SCARB1: variants seen among roughly 807,000 people sequenced by gnomAD.
The protein encoded by SCARB1 is scavenger receptor class B member 1.
A neutral mutation model predicts 57.2 loss-of-function variants in SCARB1; 30 were observed. The observed-to-expected ratio is 0.52, with a 90% CI of 0.39 to 0.71. SCARB1 has a LOEUF of 0.71. Ranked by LOEUF, SCARB1 falls within the 30% of genes least tolerant of loss-of-function variation. The pLI is 0.00. For synonymous variants in SCARB1, 249 were observed against 268.3 expected (o/e 0.93, Z 0.70); for missense variants, 543 against 671.2 (o/e 0.81, Z 2.11).
chr12:124,807,847 A>G lies in SCARB1; in HGVS notation c.923T>C (p.Phe308Ser). 1 of 1,614,154 alleles carries G rather than the reference A, an allele frequency of 6.2e-7. No individual in the cohort carries two copies. The highest frequency in any genetic ancestry group is 1.1e-5 in the South Asian group (1 of 91,086). ...TYRFVAPKTL[F>S]ANGSIYPPNE... ...GGGTGGGTAGATGGACCCGTTGGCA[A>G]ACAGGGTTTTGGGAGCCACGAAGCG... The change falls in exon 7 of 13, where the codon TTT becomes TCT. Residue 308 changes from phenylalanine to serine, a missense_variant. Physicochemically the swap from Phe to Ser is radical, Grantham distance 155. Transcript: ENST00000261693. The surrounding 1 kb of genome is among the most constrained non-coding windows in gnomAD (Gnocchi z 5.3).
chr12:124,781,094 C>T (rs1465198302), intron 12 of SCARB1, among the ~76,000 whole-genome samples: 1 of 152,194 alleles, frequency 6.6e-6, no homozygotes, highest in African/African-American at 2.4e-5. Context: ...CACTCCACCC[C>T]AACATGGTCA....
intron 5 of SCARB1, 125 bp downstream of exon 5, chr12:124,811,745 T>C: frequency 1.4e-6 from 1 of 717,230 alleles, no homozygotes; most frequent in South Asian, 1.5e-5. Flanking sequence ...GTGTTCATCC[T>C]CCCAGCACCC....
intron 7 of SCARB1, among the ~76,000 whole-genome samples, chr12:124,801,198 CAAAAGA>C (rs1472934886): frequency 6.7e-6 from 1 of 148,942 alleles, no homozygotes; most frequent in Non-Finnish European, 1.5e-5. Context: ...GATCCTGTCT[CAAAAGA>C]AAAACAATTT....
chr12:124,787,528 TACA>T, intron 9 of SCARB1, 71 bp from the exon 10 acceptor site: 2 of 1,338,832 alleles, frequency 1.5e-6, no homozygotes, highest in East Asian at 2.3e-5. Context: ...TCTGCTTGAA[TACA>T]ACATCTAAAC....
At chr12:124,826,322 C>A (rs1266759190) in intron 1 of SCARB1, among the ~76,000 whole-genome samples, 3 of 140,184 alleles carry the variant, frequency 2.1e-5, no homozygotes, top group Non-Finnish European at 4.5e-5. Flanking sequence ...CAGAGCGAGA[C>A]CCTGTCTCAA....
chr12:124,855,925 C>A (rs577460860), intron 1 of SCARB1, among the ~76,000 whole-genome samples: 1 of 152,358 alleles, frequency 6.6e-6, no homozygotes, highest in South Asian at 2.1e-4. Flanking sequence ...AGGAAAAACA[C>A]CTTCATGGAG....
chr12:124,784,452 A>G (rs1949438578), intron 11 of SCARB1: 1 of 152,256 alleles, frequency 6.6e-6, no homozygotes, highest in South Asian at 2.1e-4. Flanking sequence ...CATTGTGGAA[A>G]CCTTTTCCCC....
rs936362854 is a variant in SCARB1 at position 124,796,926 on chromosome 12, C to T, written c.1129-1658G>A. Among the ~76,000 whole-genome samples the T allele has an allele frequency of 1.3e-5, 2 of 152,188 alleles. No homozygotes were observed. The highest frequency in any genetic ancestry group is 4.8e-5 in the African/African-American group (2 of 41,448). Reference sequence around the variant, plus strand: ...ACCCAGATTTCAGGAGGGTCCCCACCATCCCCTAACTGATGAGAGTAGTTC... The same window carrying T: ...ACCCAGATTTCAGGAGGGTCCCCACTATCCCCTAACTGATGAGAGTAGTTC... On this transcript the variant is annotated intron_variant, in intron 8 of 12. Coordinates refer to ENST00000261693, the MANE Select transcript of SCARB1 (RefSeq NM_005505.5). This position sits in a 1 kb window ranked among gnomAD's most constrained non-coding sequence, Gnocchi z 4.0.
chr12:124,824,372 G>T (rs1419951970), intron 1 of SCARB1, among the ~76,000 whole-genome samples: 5 of 152,162 alleles, frequency 3.3e-5, no homozygotes, highest in African/African-American at 1.2e-4. Context: ...TGGTTGCCAG[G>T]GGCTGGGGCA....
rs1355710178 is a variant in SCARB1, at chr12:124,817,174, C to A, written c.284+376G>T. Among the ~76,000 whole-genome samples, 1 of 151,580 alleles carries A rather than the reference C, an allele frequency of 6.6e-6. No homozygotes were observed. The highest frequency in any genetic ancestry group is 1.5e-5 in the Non-Finnish European group (1 of 67,888). On this transcript the variant is annotated intron_variant, in intron 2 of 12. Coordinates refer to ENST00000261693, the MANE Select transcript of SCARB1 (RefSeq NM_005505.5). This position sits in a 1 kb window ranked among gnomAD's most constrained non-coding sequence, Gnocchi z 4.8. ...TGTGTGTATGTATGTGTGTAACTCACACATGCACCCTCCACCCAGACGCAC... is the reference window on the plus strand; with the variant it reads ...TGTGTGTATGTATGTGTGTAACTCAAACATGCACCCTCCACCCAGACGCAC...
intron 1 of SCARB1, among the ~76,000 whole-genome samples, chr12:124,835,144 A>C (rs1003695183): frequency 6.6e-6 from 1 of 152,178 alleles, no homozygotes; most frequent in African/African-American, 2.4e-5. Flanking sequence ...TGAGCCCCAG[A>C]ACAATGTGGA....
chr12:124,796,964 T>C lies in SCARB1; in HGVS notation c.1129-1696A>G, dbSNP rs556247571. Among the ~76,000 whole-genome samples the C allele has an allele frequency of 2.6e-5, 4 of 152,308 alleles. No homozygotes were observed. The South Asian group carries it at 8.3e-4, about 32-fold the overall frequency. ...ATGAGAGTAGTTCACTGGGCCGAAA[T>C]TATTTGTACAAACAATATGGTTCTT... is the stretch of plus-strand genomic sequence containing the variant. On this transcript the variant is annotated intron_variant, in intron 8 of 12. Transcript: ENST00000261693. The surrounding 1 kb of genome is among the most constrained non-coding windows in gnomAD (Gnocchi z 4.0).
At chr12:124,848,810 G>A (rs770530977) in intron 1 of SCARB1, among the ~76,000 whole-genome samples, 19 of 152,332 alleles carry the variant, frequency 1.2e-4, no homozygotes, top group Admixed American at 5.9e-4. Flanking sequence ...GCTGACTGAG[G>A]ACGACATGGA....
Position 124,796,774 on chromosome 12 carries a change from C to G in SCARB1, c.1129-1506G>C, listed in dbSNP as rs942128914. The stretch of plus-strand genomic sequence containing the variant: ...GAGCTCATTAAAGGCCTCACTTACG[C>G]CCACGACTGGGGAGTGCTTGCCCTC... On this transcript the variant is annotated intron_variant, in intron 8 of 12. Transcript: ENST00000261693. This position sits in a 1 kb window ranked among gnomAD's most constrained non-coding sequence, Gnocchi z 4.0. Among the ~76,000 whole-genome samples, 1 of 152,208 alleles carries G rather than the reference C, an allele frequency of 6.6e-6. No individual in the cohort carries two copies. Among genetic ancestry groups the G allele is most frequent in the Non-Finnish European group, 1.5e-5 (1 of 68,052 alleles).
intron 1 of SCARB1, among the ~76,000 whole-genome samples, chr12:124,843,519 T>A (rs1272894481): frequency 1.3e-5 from 2 of 152,128 alleles, no homozygotes; most frequent in Non-Finnish European, 2.9e-5. Flanking sequence ...GGACCTGGAT[T>A]TGAACCCAGA....
Position 124,782,775 on chromosome 12 carries a change from C to T in SCARB1, c.1438G>A (p.Gly480Ser), listed in dbSNP as rs1198127943. ...CYLFWSSSKK[G>S]SKDKEAIQAY... The stretch of plus-strand genomic sequence containing the variant: ...TGAATGGCCTCCTTATCCTTTGAGC[C>T]CTTTTTACTACTACTCCAAAATAAA... The change falls in exon 12 of 13, where the codon GGC becomes AGC. Residue 480 changes from glycine to serine, a missense_variant. Coordinates refer to ENST00000261693, the MANE Select transcript of SCARB1 (RefSeq NM_005505.5). 2 of 1,613,712 alleles carry T rather than the reference C, an allele frequency of 1.2e-6. No individual in the cohort carries two copies. Among genetic ancestry groups the T allele is most frequent in the East Asian group, 2.2e-5 (1 of 44,888 alleles).
chr12:124,862,816 G>A (rs1203616977), intron 1 of SCARB1, among the ~76,000 whole-genome samples: 3 of 152,202 alleles, frequency 2.0e-5, no homozygotes, highest in South Asian at 2.1e-4. Flanking sequence ...GAGTCTGTCC[G>A]TCTGCAGACC....
In SCARB1 at chr12:124,786,572, C is replaced by T. The variant is rs838898; in HGVS notation, c.1255-69G>A. The T allele has an allele frequency of 4.0e-3, 6,300 of 1,592,236 alleles. 190 individuals carry two copies. The African/African-American group carries it at 0.07, about 18-fold the overall frequency. On this transcript the variant is annotated intron_variant, in intron 10 of 12. Transcript: ENST00000261693. ...TGCGGGCTACAGCGCAGATGCCACC[C>T]AACACCTTCCTCTGTGCCCGCCTCA...
At position 124,777,762 on chromosome 12, in the gene SCARB1, G is replaced by A. The variant is rs2135506586; in HGVS notation, c.*825C>T. On this transcript the variant is annotated 3_prime_UTR_variant, in exon 13 of 13. Coordinates refer to ENST00000261693, the MANE Select transcript of SCARB1 (RefSeq NM_005505.5). ...GAGCGCCCGGAAGGCAGGGCCCCCAGGCCTCTTCACCTCAGCCTGGGCACC... is the reference window on the plus strand; with the variant it reads ...GAGCGCCCGGAAGGCAGGGCCCCCAAGCCTCTTCACCTCAGCCTGGGCACC... 1 of 152,450 alleles carries A rather than the reference G, an allele frequency of 6.6e-6. No individual in the cohort carries two copies. Among genetic ancestry groups the A allele is most frequent in the South Asian group, 2.1e-4 (1 of 4,834 alleles). The allele number at this position is 152,450 out of a possible 1,614,324, so 9.4% of individuals were successfully genotyped here.
Sources: gnomAD v4.1 joint callset for allele counts (sites outside exome capture counted in the v4.1 genomes callset) on GRCh38, gnomAD v4.1.1 for gene constraint, Gnocchi (gnomAD v3.1) non-coding constraint, MANE v1.5 for transcripts, NCBI Gene and HGNC (gene_info 2026-07-23, HGNC 2026-07-21) for gene names.